The following STRN4 variants were observed in gnomAD, a reference collection of about 807,000 sequenced individuals.
The protein encoded by STRN4 is striatin-4.
STRN4 carries 27 observed loss-of-function variants against 77.9 expected under a neutral mutation model. The ratio of observed to expected loss-of-function variants is 0.35; its 90% CI spans 0.26 to 0.48. The LOEUF is 0.48. Ranked by LOEUF, STRN4 falls within the 20% of genes least tolerant of loss-of-function variation. STRN4 has a pLI of 0.99. For synonymous variants in STRN4, 466 were observed against 443.1 expected, an observed-to-expected ratio of 1.05 and a Z score of -0.65; for missense variants, 798 against 1,049.7, an observed-to-expected ratio of 0.76 and a Z score of 3.31.
intron 4 of STRN4, among the ~76,000 whole-genome samples, chr19:46,735,062 T>C (rs527239681): frequency 6.6e-6 from 1 of 152,184 alleles, no homozygotes; most frequent in South Asian, 2.1e-4. Flanking sequence ...TCCCAGCAGT[T>C]TGGGAGGCCA....
At chr19:46,725,063 A>G (rs1385801905) in intron 11 of STRN4, 135 bp from the exon 12 acceptor site, 3 of 1,382,218 alleles carry the variant, frequency 2.2e-6, no homozygotes, top group Middle Eastern at 2.0e-4. Context: ...TGGCCATGCT[A>G]CCTGGACAAG....
rs564074765 is a variant in STRN4, at chr19:46,739,161, T to A, written c.283-273A>T. The A allele has an allele frequency of 3.6e-4, 158 of 441,324 alleles. No homozygotes were observed. The East Asian group carries it at 5.8e-3, about 16-fold the overall frequency. 27.3% of individuals were successfully genotyped at this position (441,324 alleles called of 1,614,324 possible). ...GATAACAATGGGGCCAGCCTGGGCCTCACCTGGTGGCTGCCTTTGGGGGGA... is the reference window on the plus strand; with the variant it reads ...GATAACAATGGGGCCAGCCTGGGCCACACCTGGTGGCTGCCTTTGGGGGGA... On this transcript the variant is annotated intron_variant, in intron 1 of 17. Coordinates refer to ENST00000263280, the MANE Select transcript of STRN4 (RefSeq NM_013403.3).
intron 1 of STRN4, among the ~76,000 whole-genome samples, chr19:46,745,025 C>G (rs754813318): frequency 2.6e-5 from 4 of 151,956 alleles, no homozygotes; most frequent in Non-Finnish European, 5.9e-5. Context: ...AACATATCCC[C>G]TTCCCCCCAA....
intron 9 of STRN4, 144 bp downstream of exon 9, chr19:46,727,308 G>A (rs1196017519): frequency 7.2e-6 from 5 of 699,084 alleles, no homozygotes; most frequent in Non-Finnish European, 1.2e-5. Context: ...GGCGACCGCA[G>A]TCAAGTCCCT....
chr19:46,743,058 A>G (rs1599899480), intron 1 of STRN4, among the ~76,000 whole-genome samples: 1 of 152,236 alleles, frequency 6.6e-6, no homozygotes, highest in African/African-American at 2.4e-5. Flanking sequence ...GCAGCTATCA[A>G]AAAGAAAGAG....
chr19:46,738,040 C>G lies in STRN4; in HGVS notation c.460+124G>C. ...AGAGTGAGATTCCGCCCCTCCCCAG[C>G]CCCGGGGCCGATTCTGCCTTCTAAG... On this transcript the variant is annotated intron_variant, in intron 3 of 17. Coordinates refer to ENST00000263280, the MANE Select transcript of STRN4 (RefSeq NM_013403.3). The surrounding 1 kb of genome is among the most constrained non-coding windows in gnomAD (Gnocchi z 4.5). 1.0e-6 allele frequency: 1 copy of G among 994,332 alleles called. No individual in the cohort carries two copies. Among genetic ancestry groups the G allele is most frequent in the Non-Finnish European group, 1.6e-6 (1 of 630,570 alleles). The allele number at this position is 994,332 out of a possible 1,614,324, so 61.6% of individuals were successfully genotyped here.
At chr19:46,726,512 GA>G (rs1665393123) in intron 9 of STRN4, among the ~76,000 whole-genome samples, 1 of 150,088 alleles carries the variant, frequency 6.7e-6, no homozygotes, top group South Asian at 2.1e-4. Context: ...TAGCCTCAGA[GA>G]AAGAGGTTGA....
In STRN4 at chr19:46,733,570, T is replaced by C. The variant is rs1268382935; in HGVS notation, c.540-334A>G. ...GCAGAAGATCAACAGGGCAGAGCCT[T>C]AAGGGAAGCTGGCCACGGTAAACAG... On this transcript the variant is annotated intron_variant, in intron 4 of 17. Transcript: ENST00000263280. The surrounding 1 kb of genome is among the most constrained non-coding windows in gnomAD (Gnocchi z 4.3). 1.1e-5 allele frequency: 3 copies of C among 264,192 alleles called. No homozygotes were observed. 16.4% of individuals were successfully genotyped at this position (264,192 alleles called of 1,614,324 possible).
chr19:46,740,962 G>A (rs1038771526), intron 1 of STRN4, among the ~76,000 whole-genome samples: 1 of 152,238 alleles, frequency 6.6e-6, no homozygotes, highest in African/African-American at 2.4e-5. Flanking sequence ...TGCATGGTGG[G>A]CTTAAGGAAC....
Position 46,728,761 on chromosome 19 carries a change from A to G in STRN4, c.896T>C (p.Leu299Pro). Residue 299 changes from leucine to proline, a missense_variant, in exon 7 of 18, where the codon CTG (leucine) becomes CCG (proline). Physicochemically the swap from Leu to Pro is moderately conservative, Grantham distance 98. Around this residue, in one of 2 missense-constraint regions of STRN4, gnomAD observed 511 missense variants for 575.9 expected, o/e 0.89. Coordinates refer to ENST00000263280, the MANE Select transcript of STRN4 (RefSeq NM_013403.3). The part of the protein sequence containing the change: ...KQRVKLPSKA[L>P]VPEMEDEDEE... ...ATCCTCGTCTTCCATTTCGGGCACC[A>G]GAGCCTTGGATGGGAGCTGGCACAT... 3 of 1,614,188 alleles carry G rather than the reference A, an allele frequency of 1.9e-6. No individual in the cohort carries two copies. In the South Asian group the frequency reaches 3.3e-5, roughly 18 times the overall value.
chr19:46,725,070 C>T, intron 11 of STRN4, 142 bp from the exon 12 acceptor site: 2 of 1,339,420 alleles, frequency 1.5e-6, no homozygotes, highest in Non-Finnish European at 2.0e-6. Flanking sequence ...GCTACCTGGA[C>T]AAGCTGCCTG....
chr19:46,722,315 C>G lies in STRN4; in HGVS notation c.1932G>C (p.Val644=). 6.2e-7 allele frequency: 1 copy of G among 1,614,134 alleles called. No individual in the cohort carries two copies. The highest frequency in any genetic ancestry group is 2.2e-5 in the East Asian group (1 of 44,872). Residue 644 remains valine (V), a synonymous_variant, in exon 15 of 18, where the codon GTG becomes GTC. Transcript: ENST00000263280. ...TGGTGAGAGGCTGGTTTGGATGACT[C>G]ACCACTTGGTTGATCTGGGTTGGAC... is the stretch of plus-strand genomic sequence containing the variant. The part of the protein sequence containing the change: ...SSGPTQINQV[V]SHPNQPLTIT...
At chr19:46,740,150 A>C (rs2122381293) in intron 1 of STRN4, 1 of 152,324 alleles carries the variant, frequency 6.6e-6, no homozygotes, top group South Asian at 2.1e-4. Flanking sequence ...TTAGCCAGGC[A>C]TGGTGGTACA....
At position 46,722,791 on chromosome 19, in the gene STRN4, C is replaced by G; in HGVS notation, c.1906+19G>C. 1 of 1,612,952 alleles carries G rather than the reference C, an allele frequency of 6.2e-7. No homozygotes were observed. The highest frequency in any genetic ancestry group is 1.1e-5 in the South Asian group (1 of 91,076). ...AAGACACTGAGACCAATTCCATGAG[C>G]TGATGTCAGCCCCCTTACCGCTGCT... On this transcript the variant is annotated intron_variant, in intron 14 of 17. Coordinates refer to ENST00000263280, the MANE Select transcript of STRN4 (RefSeq NM_013403.3).
intron 1 of STRN4, 183 bp downstream of exon 1, chr19:46,745,966 G>A (rs2054585206): frequency 4.5e-6 from 3 of 667,300 alleles, no homozygotes; most frequent in East Asian, 7.7e-5. Context: ...CCACCCCGGA[G>A]TGCCCTCAGG....
rs928728175 is a variant in STRN4, at chr19:46,741,014, G to C, written c.283-2126C>G. On this transcript the variant is annotated intron_variant, in intron 1 of 17. Coordinates refer to ENST00000263280, the MANE Select transcript of STRN4 (RefSeq NM_013403.3). The surrounding 1 kb of genome is among the most constrained non-coding windows in gnomAD (Gnocchi z 4.9). ...ATGGCTGCTTCAGAACCTGTAAAAGGCTCAGTGAAGCCATGGAAGGGTTTT... is the reference window on the plus strand; with the variant it reads ...ATGGCTGCTTCAGAACCTGTAAAAGCCTCAGTGAAGCCATGGAAGGGTTTT... 6.6e-6 allele frequency among the ~76,000 whole-genome samples: 1 copy of C among 152,188 alleles called. No homozygotes were observed. Among genetic ancestry groups the C allele is most frequent in the Non-Finnish European group, 1.5e-5 (1 of 68,032 alleles).
intron 16 of STRN4, 42 bp downstream of exon 16, chr19:46,721,944 C>T (rs780598210): frequency 1.2e-6 from 2 of 1,608,622 alleles, no homozygotes; most frequent in South Asian, 1.1e-5. Flanking sequence ...CCTCTTCCTC[C>T]CCTTCTCCCC....
intron 4 of STRN4, among the ~76,000 whole-genome samples, chr19:46,734,564 T>C (rs950345773): frequency 1.3e-5 from 2 of 152,184 alleles, no homozygotes; most frequent in Non-Finnish European, 2.9e-5. Context: ...ATGACAGACA[T>C]TATATGTTGG....
chr19:46,724,647 C>T (rs1294825021), intron 12 of STRN4, among the ~76,000 whole-genome samples, 160 bp downstream of exon 12: 11 of 152,372 alleles, frequency 7.2e-5, no homozygotes, highest in Admixed American at 5.9e-4. Context: ...CTTGGCCACG[C>T]GCTGCATCGC....
Sources: allele counts gnomAD v4.1 joint callset (sites outside exome capture counted in the v4.1 genomes callset), GRCh38; gene constraint gnomAD v4.1.1; regional missense constraint gnomAD v4.1.1; non-coding constraint Gnocchi (gnomAD v3.1); transcripts MANE v1.5; gene names NCBI Gene and HGNC (gene_info 2026-07-23, HGNC 2026-07-21).